The following TSHZ2 variants were observed in gnomAD, a reference collection of about 807,000 sequenced individuals.
TSHZ2 encodes the protein teashirt zinc finger homeobox 2, also known as teashirt homolog 2.
A neutral mutation model predicts 74.4 loss-of-function variants in TSHZ2; 21 were observed. The observed-to-expected ratio is 0.28, with a 90% CI of 0.20 to 0.41. The LOEUF (loss-of-function observed/expected upper bound fraction) is 0.41. TSHZ2 is among the 10% of genes least tolerant of loss of function. TSHZ2 has a pLI of 1.00. For synonymous variants in TSHZ2, 540 were observed against 515.3 expected, an observed-to-expected ratio of 1.05 and a Z score of -0.65; for missense variants, 1,244 against 1,293.5, an observed-to-expected ratio of 0.96 and a Z score of 0.59.
chr20:53,095,708 A>G (rs1289009644), intron 1 of TSHZ2, among the ~76,000 whole-genome samples: 2 of 152,078 alleles, frequency 1.3e-5, no homozygotes, highest in Non-Finnish European at 2.9e-5. Context: ...GAACTGTAAA[A>G]TCTTTAGCAA....
chr20:53,445,536 T>C (rs6013692), intron 2 of TSHZ2, among the ~76,000 whole-genome samples: 25,550 of 152,210 alleles, frequency 0.17, 2,274 homozygotes, highest in East Asian at 0.32. Flanking sequence ...TACTCAAAGA[T>C]GCAGTGTCCC....
intron 1 of TSHZ2, among the ~76,000 whole-genome samples, chr20:53,205,127 TCA>T (rs1295530201): frequency 1.3e-5 from 2 of 148,962 alleles, no homozygotes; most frequent in Non-Finnish European, 3.0e-5. Context: ...TTGCTAAGAG[TCA>T]CACAGTTATC....
intron 1 of TSHZ2, among the ~76,000 whole-genome samples, chr20:53,184,492 G>A (rs1187525420): frequency 6.6e-6 from 1 of 152,022 alleles, no homozygotes; most frequent in Non-Finnish European, 1.5e-5. Flanking sequence ...TGAATTTTAA[G>A]GCATTATAAA....
At chr20:53,161,731 C>T (rs1987945771) in intron 1 of TSHZ2, among the ~76,000 whole-genome samples, 1 of 152,184 alleles carries the variant, frequency 6.6e-6, no homozygotes, top group African/African-American at 2.4e-5. Context: ...CACCTCCCAC[C>T]AGGTACCTGC....
chr20:53,251,692 T>G lies in TSHZ2; in HGVS notation c.41-1807T>G, dbSNP rs531709612. On this transcript the variant is annotated intron_variant, in intron 1 of 2. Coordinates refer to ENST00000371497, the MANE Select transcript of TSHZ2 (RefSeq NM_173485.6). ...ATAACTAACACAACCATAAAACTCA[T>G]GGCTAGACTGAATTTATACATTTCA... 2.0e-5 allele frequency among the ~76,000 whole-genome samples: 3 copies of G among 152,308 alleles called. No individual in the cohort carries two copies. In the East Asian group the frequency reaches 5.8e-4, roughly 29 times the overall value.
At chr20:53,076,485 A>G (rs755913585) in intron 1 of TSHZ2, among the ~76,000 whole-genome samples, 1 of 152,224 alleles carries the variant, frequency 6.6e-6, no homozygotes, top group Non-Finnish European at 1.5e-5. Context: ...GGAAACCAGT[A>G]TCAGACTGCA....
intron 2 of TSHZ2, among the ~76,000 whole-genome samples, chr20:53,446,007 G>A (rs951141531): frequency 1.1e-4 from 16 of 152,196 alleles, no homozygotes; most frequent in Non-Finnish European, 2.2e-4. Context: ...CTCCACAACC[G>A]CTGTGGTAGA....
chr20:53,319,938 C>T (rs903714857), intron 2 of TSHZ2, among the ~76,000 whole-genome samples: 3 of 152,140 alleles, frequency 2.0e-5, no homozygotes, highest in Non-Finnish European at 4.4e-5. Flanking sequence ...TCTCATTTCC[C>T]GGACTCACTG....
At chr20:53,376,549 C>A (rs1981663355) in intron 2 of TSHZ2, among the ~76,000 whole-genome samples, 1 of 152,230 alleles carries the variant, frequency 6.6e-6, no homozygotes, top group South Asian at 2.1e-4. Flanking sequence ...TAGGAGTTGA[C>A]CTGACTCAGC....
chr20:53,007,056 T>C (rs1414492840), intron 1 of TSHZ2, among the ~76,000 whole-genome samples: 1 of 152,120 alleles, frequency 6.6e-6, no homozygotes, highest in Non-Finnish European at 1.5e-5. Context: ...TTAATTGCCA[T>C]TGTGACTGGT....
intron 2 of TSHZ2, among the ~76,000 whole-genome samples, chr20:53,266,721 ACACTTCTTGGCCTTGTGGAG>A (rs1157454831): frequency 6.6e-6 from 1 of 151,466 alleles, no homozygotes; most frequent in Non-Finnish European, 1.5e-5. Context: ...ACAAACAATG[ACACTTCTTGGCCTTGTGGAG>A]TTCTAGTCTA....
intron 2 of TSHZ2, among the ~76,000 whole-genome samples, chr20:53,339,821 T>C (rs566579178): frequency 3.4e-4 from 52 of 152,280 alleles, no homozygotes; most frequent in Non-Finnish European, 5.6e-4. Context: ...ATGCAGGTTA[T>C]TGCTACTCCT....
intron 2 of TSHZ2, among the ~76,000 whole-genome samples, chr20:53,463,426 GGAA>G (rs3042219): frequency 8.5e-6 from 1 of 117,290 alleles, no homozygotes; most frequent in East Asian, 2.6e-4. Flanking sequence ...AAGGAAGGAA[GGAA>G]GGAAGGAGGG....
rs550930604 is a variant in TSHZ2 at position 53,098,354 on chromosome 20, C to T, written c.40+125021C>T. Among the ~76,000 whole-genome samples, 18 of 152,264 alleles carry T rather than the reference C, an allele frequency of 1.2e-4. No homozygotes were observed. The South Asian group carries it at 1.2e-3, about 11-fold the overall frequency. On this transcript the variant is annotated intron_variant, in intron 1 of 2. Coordinates refer to ENST00000371497, the MANE Select transcript of TSHZ2 (RefSeq NM_173485.6). ...GATAATCTTTGTAAAACATTTAGCA[C>T]AAAGGAAACAGTCAAAAAATTATAG...
chr20:53,083,620 T>C (rs1033029351), intron 1 of TSHZ2, among the ~76,000 whole-genome samples: 13 of 152,246 alleles, frequency 8.5e-5, no homozygotes, highest in African/African-American at 3.1e-4. Context: ...GCTCAAACCT[T>C]AGTCTGTCAT....
intron 1 of TSHZ2, among the ~76,000 whole-genome samples, chr20:53,009,168 A>AT (rs1387739200): frequency 6.6e-6 from 1 of 151,342 alleles, no homozygotes; most frequent in African/African-American, 2.4e-5. Flanking sequence ...CGCTACAAAA[A>AT]ATATATATAT....
At chr20:53,212,620 A>T (rs1484936422) in intron 1 of TSHZ2, among the ~76,000 whole-genome samples, 2 of 152,200 alleles carry the variant, frequency 1.3e-5, no homozygotes. Flanking sequence ...AATTAGCATC[A>T]AGAGGGACTT....
chr20:53,200,614 T>G (rs1449495005), intron 1 of TSHZ2, among the ~76,000 whole-genome samples: 1 of 152,206 alleles, frequency 6.6e-6, no homozygotes, highest in African/African-American at 2.4e-5. Flanking sequence ...CTTCTTACAG[T>G]CCTTCTTGCT....
intron 1 of TSHZ2, among the ~76,000 whole-genome samples, chr20:53,066,804 A>AT (rs1200325220): frequency 4.6e-5 from 7 of 152,020 alleles, no homozygotes; most frequent in African/African-American, 1.4e-4. Flanking sequence ...CCACGAAGCT[A>AT]TTTTTTTAAA....
Sources: allele counts gnomAD v4.1 joint callset (sites outside exome capture counted in the v4.1 genomes callset), GRCh38; gene constraint gnomAD v4.1.1; transcripts MANE v1.5; gene names NCBI Gene and HGNC (gene_info 2026-07-23, HGNC 2026-07-21).